The following ROBO1 variants were observed in gnomAD, a reference collection of about 807,000 sequenced individuals.
The protein encoded by ROBO1 is roundabout guidance receptor 1, also known as roundabout homolog 1.
A neutral mutation model predicts 195.9 loss-of-function variants in ROBO1; 149 were observed. The ratio of observed to expected loss-of-function variants is 0.76; its 90% CI spans 0.67 to 0.87. The LOEUF (loss-of-function observed/expected upper bound fraction) is 0.87. Among genes scored for constraint, ROBO1 ranks in the 40% least tolerant of loss-of-function variants. ROBO1 has a pLI of 0.00. For missense variants in ROBO1, 1,933 were observed against 2,068.3 expected, an observed-to-expected ratio of 0.93 and a Z score of 1.27; for synonymous variants, 816 against 733.2, an observed-to-expected ratio of 1.11 and a Z score of -1.82.
intron 3 of ROBO1, among the ~76,000 whole-genome samples, chr3:79,121,793 C>CT (rs895594629): frequency 5.7e-4 from 87 of 151,776 alleles, no homozygotes; most frequent in Admixed American, 1.6e-3. Context: ...AATTTACAGA[C>CT]TTTTTTTGTT....
chr3:78,728,978 G>A (rs562392668), intron 5 of ROBO1, among the ~76,000 whole-genome samples: 1 of 152,316 alleles, frequency 6.6e-6, no homozygotes, highest in East Asian at 1.9e-4. Flanking sequence ...TCAGAGAGAA[G>A]CAACAAGAGA....
intron 21 of ROBO1, among the ~76,000 whole-genome samples, chr3:78,642,139 T>G (rs1706004365): frequency 6.6e-6 from 1 of 152,174 alleles, no homozygotes; most frequent in Non-Finnish European, 1.5e-5. Context: ...ATGGTGGTTA[T>G]AGGGATTAAC....
intron 2 of ROBO1, among the ~76,000 whole-genome samples, chr3:79,134,330 A>G (rs897444563): frequency 8.1e-6 from 1 of 122,926 alleles, no homozygotes; most frequent in African/African-American, 3.2e-5. Context: ...AATCAAAACC[A>G]CTATGAGATA....
chr3:79,522,306 C>T (rs1445516021), intron 2 of ROBO1, among the ~76,000 whole-genome samples: 1 of 149,988 alleles, frequency 6.7e-6, no homozygotes, highest in African/African-American at 2.5e-5. Flanking sequence ...GTCTTTTATA[C>T]CACTGTCTTT....
chr3:79,346,534 C>T (rs2035126826), intron 2 of ROBO1, among the ~76,000 whole-genome samples: 1 of 151,992 alleles, frequency 6.6e-6, no homozygotes, highest in African/African-American at 2.4e-5. Context: ...TTTGTTCATA[C>T]ACATATACTT....
intron 2 of ROBO1, among the ~76,000 whole-genome samples, chr3:79,473,858 A>C (rs1409095611): frequency 1.3e-5 from 2 of 152,118 alleles, no homozygotes; most frequent in African/African-American, 4.8e-5. Flanking sequence ...ATTACTCTTT[A>C]TATCAAGGAC....
intron 8 of ROBO1, among the ~76,000 whole-genome samples, chr3:78,706,491 C>T (rs1227017945): frequency 6.6e-6 from 1 of 151,956 alleles, no homozygotes; most frequent in Non-Finnish European, 1.5e-5. Context: ...CTTCTTAAAA[C>T]TCTTTTTTAA....
chr3:79,417,415 C>T (rs2038050400), intron 2 of ROBO1, among the ~76,000 whole-genome samples: 2 of 152,070 alleles, frequency 1.3e-5, no homozygotes, highest in South Asian at 4.1e-4. Flanking sequence ...TGGCTTACAG[C>T]TTGACCATAA....
At chr3:79,502,693 T>C (rs1940158650) in intron 2 of ROBO1, among the ~76,000 whole-genome samples, 1 of 61,104 alleles carries the variant, frequency 1.6e-5, no homozygotes, top group Non-Finnish European at 3.1e-5. Context: ...CTGAGTCTAG[T>C]GGGGACTTGG....
At chr3:78,915,309 G>C (rs999363864) in intron 4 of ROBO1, among the ~76,000 whole-genome samples, 61 of 152,046 alleles carry the variant, frequency 4.0e-4, no homozygotes, top group African/African-American at 1.3e-3. Flanking sequence ...AATTTGAAGA[G>C]ATAAAAAGAA....
intron 2 of ROBO1, among the ~76,000 whole-genome samples, chr3:79,563,984 T>C (rs1943009450): frequency 6.6e-6 from 1 of 151,834 alleles, no homozygotes; most frequent in African/African-American, 2.4e-5. Context: ...TAATACTAAA[T>C]TTTCAAATCA....
At chr3:79,109,047 A>G (rs944617607) in intron 3 of ROBO1, among the ~76,000 whole-genome samples, 10 of 151,788 alleles carry the variant, frequency 6.6e-5, no homozygotes, top group African/African-American at 1.9e-4. Flanking sequence ...AGTTACAGGC[A>G]TTTGTTTGTG....
At chr3:79,622,813 A>G (rs769058892) in intron 1 of ROBO1, among the ~76,000 whole-genome samples, 1 of 152,156 alleles carries the variant, frequency 6.6e-6, no homozygotes, top group Non-Finnish European at 1.5e-5. Flanking sequence ...CCACCAAAGG[A>G]CAAAGTGCTT....
chr3:78,873,064 G>T (rs554682842), intron 4 of ROBO1, among the ~76,000 whole-genome samples: 14 of 152,136 alleles, frequency 9.2e-5, no homozygotes, highest in African/African-American at 3.4e-4. Context: ...CTTTCCCTTT[G>T]TGGAATAAAT....
intron 2 of ROBO1, among the ~76,000 whole-genome samples, chr3:79,293,789 T>C (rs767478972): frequency 2.6e-5 from 4 of 151,992 alleles, no homozygotes; most frequent in Non-Finnish European, 5.9e-5. Context: ...CCGGGCGCGG[T>C]GGCTCATGCC....
At chr3:78,688,535 A>G (rs1303767810) in intron 9 of ROBO1, 113 bp downstream of exon 9, 13 of 1,127,546 alleles carry the variant, frequency 1.2e-5, no homozygotes, top group Non-Finnish European at 1.4e-5. Flanking sequence ...GAGATTTGCC[A>G]GTTCTCTTAA....
At chr3:79,227,646 C>T (rs2082249077) in intron 2 of ROBO1, among the ~76,000 whole-genome samples, 1 of 152,104 alleles carries the variant, frequency 6.6e-6, no homozygotes, top group African/African-American at 2.4e-5. Flanking sequence ...CACCAAATTA[C>T]ACTCAAATTA....
At chr3:79,263,785 C>A (rs1033555801) in intron 2 of ROBO1, among the ~76,000 whole-genome samples, 9 of 152,078 alleles carry the variant, frequency 5.9e-5, no homozygotes, top group African/African-American at 2.2e-4. Context: ...CCATTTTCTT[C>A]TTTTTCCCTC....
At chr3:78,700,520 C>T (rs1036649436) in intron 8 of ROBO1, among the ~76,000 whole-genome samples, 7 of 152,260 alleles carry the variant, frequency 4.6e-5, no homozygotes, top group Middle Eastern at 3.4e-3. Context: ...AGGAATCAGA[C>T]CTGTGATCCT....
Sources: allele counts gnomAD v4.1 joint callset (sites outside exome capture counted in the v4.1 genomes callset), GRCh38; gene constraint gnomAD v4.1.1; transcripts MANE v1.5; gene names NCBI Gene and HGNC (gene_info 2026-07-23, HGNC 2026-07-21).